RREB1: variants seen among roughly 807,000 people sequenced by gnomAD.
RREB1 encodes ras responsive element binding protein 1, also known as ras-responsive element-binding protein 1.
In RREB1, 27 loss-of-function variants were observed where a neutral mutation model predicts 117.8. That is an observed-to-expected ratio of 0.23 (90% CI 0.17 to 0.32). The LOEUF is 0.32. Ranked by LOEUF, RREB1 falls within the 10% of genes least tolerant of loss-of-function variation. RREB1 has a pLI of 1.00. For synonymous variants in RREB1, 1,298 were observed against 1,026.7 expected, an observed-to-expected ratio of 1.26 and a Z score of -5.05; for missense variants, 2,577 against 2,378.2, an observed-to-expected ratio of 1.08 and a Z score of -1.74.
chr6:7,230,160 C>T lies in RREB1; in HGVS notation c.2061C>T (p.Ile687=). The T allele has an allele frequency of 5.0e-6, 8 of 1,606,742 alleles. No individual in the cohort carries two copies. Among genetic ancestry groups the T allele is most frequent in the African/African-American group, 2.7e-5 (2 of 75,062 alleles). The change falls in exon 10 of 13, where the codon ATC becomes ATT. Residue 687 remains isoleucine (I), a synonymous_variant. Coordinates refer to ENST00000379938, the MANE Select transcript of RREB1 (RefSeq NM_001003699.4). The stretch of plus-strand genomic sequence containing the variant: ...TCGCCGCCGACAAGGCCGCGCTCAT[C>T]CGCCACCTGCGCACGCACAGTGGGG... ...DYIAADKAAL[I]RHLRTHSGER...
chr6:7,216,778 A>G (rs1183588850), intron 8 of RREB1: 1 of 152,258 alleles, frequency 6.6e-6, no homozygotes, highest in Non-Finnish European at 1.5e-5. Context: ...CAGATTTTAA[A>G]CACTTCCGGG....
At chr6:7,211,834 G>C in intron 8 of RREB1, 125 bp downstream of exon 8, 1 of 1,021,992 alleles carries the variant, frequency 9.8e-7, no homozygotes, top group Non-Finnish European at 1.4e-6. Flanking sequence ...ACATTAGGGA[G>C]GCAGTTAAGA....
intron 12 of RREB1, among the ~76,000 whole-genome samples, chr6:7,247,426 A>C (rs999567029): frequency 1.3e-5 from 2 of 152,152 alleles, no homozygotes; most frequent in Non-Finnish European, 2.9e-5. Flanking sequence ...GCAGCCAGGC[A>C]GGAGAGGGTC....
At chr6:7,157,852 G>A (rs1763458113) in intron 1 of RREB1, among the ~76,000 whole-genome samples, 1 of 152,056 alleles carries the variant, frequency 6.6e-6, no homozygotes, top group Admixed American at 6.6e-5. Context: ...GACTCCAGAA[G>A]AGGGCTCTAC....
rs1303395954 is a variant in RREB1 at position 7,229,699 on chromosome 6, TC to T, written c.1604del (p.Pro535ArgfsTer13). 6.2e-7 allele frequency: 1 copy of T among 1,608,418 alleles called. No homozygotes were observed. The highest frequency in any genetic ancestry group is 8.5e-7 in the Non-Finnish European group (1 of 1,176,958). On this transcript the variant is annotated frameshift_variant, in exon 10 of 13. Coordinates refer to ENST00000379938, the MANE Select transcript of RREB1 (RefSeq NM_001003699.4). LOFTEE classifies it high-confidence loss of function. This position sits in a 1 kb window ranked among gnomAD's most constrained non-coding sequence, Gnocchi z 4.5. ...GCCTCTCATCAACGCCCAGCAGGCT[TC>T]CCCGGGCTGTATCAGCCCCAGCCTG... ...PPPLINAQQA[S>X]PGCISPSLPP...
chr6:7,204,693 C>G (rs148031117), intron 6 of RREB1, among the ~76,000 whole-genome samples: 1 of 152,232 alleles, frequency 6.6e-6, no homozygotes, highest in South Asian at 2.1e-4. Flanking sequence ...ACTTTCCTTA[C>G]GGTACCATTC....
At chr6:7,117,658 C>A (rs997626423) in intron 1 of RREB1, among the ~76,000 whole-genome samples, 7 of 152,074 alleles carry the variant, frequency 4.6e-5, no homozygotes, top group Non-Finnish European at 7.4e-5. Context: ...ATCTGCCCAC[C>A]TTGGACTCCC....
At chr6:7,173,718 G>A (rs1376841611) in intron 1 of RREB1, among the ~76,000 whole-genome samples, 3 of 151,926 alleles carry the variant, frequency 2.0e-5, no homozygotes, top group African/African-American at 7.3e-5. Flanking sequence ...TACCCGGGAG[G>A]CTTGAGGCAC....
chr6:7,221,464 G>A (rs1259050114), intron 8 of RREB1, among the ~76,000 whole-genome samples: 2 of 152,218 alleles, frequency 1.3e-5, no homozygotes, highest in South Asian at 2.1e-4. Flanking sequence ...GAGCCACCGC[G>A]CCCGGCCGCA....
At chr6:7,225,325 G>A (rs183905880) in intron 8 of RREB1, among the ~76,000 whole-genome samples, 6 of 152,280 alleles carry the variant, frequency 3.9e-5, no homozygotes, top group African/African-American at 1.2e-4. Flanking sequence ...TGTGCTTCCC[G>A]ATGCAGTTGA....
intron 6 of RREB1, among the ~76,000 whole-genome samples, chr6:7,198,381 T>A (rs897399631): frequency 6.6e-6 from 1 of 152,226 alleles, no homozygotes; most frequent in African/African-American, 2.4e-5. Context: ...TTGTTTCCCT[T>A]GAAATACTTC....
At chr6:7,170,069 A>G (rs1375764121) in intron 1 of RREB1, among the ~76,000 whole-genome samples, 1 of 152,240 alleles carries the variant, frequency 6.6e-6, no homozygotes, top group Admixed American at 6.5e-5. Flanking sequence ...TTTACAAAAT[A>G]TTGAAGTTTT....
At position 7,181,953 on chromosome 6, in the gene RREB1, A is replaced by ATCT; in HGVS notation, c.45_47dup (p.Ser16dup). ...CCGCTGGCTTGGAAGGTTCAGACCTATCTTCCATCAACACCATGATGTCGG... is the reference window on the plus strand; with the variant it reads ...CCGCTGGCTTGGAAGGTTCAGACCTATCTTCTTCCATCAACACCATGATGTCGG... On this transcript the variant is annotated inframe_insertion, in exon 4 of 13. Coordinates refer to ENST00000379938, the MANE Select transcript of RREB1 (RefSeq NM_001003699.4). 1 of 1,614,232 alleles carries ATCT rather than the reference A, an allele frequency of 6.2e-7. No individual in the cohort carries two copies. The highest frequency in any genetic ancestry group is 2.2e-5 in the East Asian group (1 of 44,886).
chr6:7,112,564 T>TG (rs1281211987), intron 1 of RREB1, among the ~76,000 whole-genome samples: 5 of 151,576 alleles, frequency 3.3e-5, no homozygotes, highest in Non-Finnish European at 7.4e-5. Context: ...CACAGGGGGG[T>TG]GAGGGTTGCA....
At chr6:7,134,556 A>G (rs1435790021) in intron 1 of RREB1, among the ~76,000 whole-genome samples, 2 of 152,202 alleles carry the variant, frequency 1.3e-5, no homozygotes, top group Middle Eastern at 3.4e-3. Flanking sequence ...GATTTTAATT[A>G]TTTTTTTAGA....
intron 1 of RREB1, among the ~76,000 whole-genome samples, chr6:7,163,033 C>T (rs1464444683): frequency 9.2e-5 from 14 of 151,884 alleles, no homozygotes; most frequent in Admixed American, 9.2e-4. Flanking sequence ...TCCAAACTCT[C>T]ATCCATTAAA....
intron 1 of RREB1, among the ~76,000 whole-genome samples, chr6:7,120,534 C>G (rs1223933530): frequency 1.3e-5 from 2 of 152,170 alleles, no homozygotes; most frequent in Non-Finnish European, 2.9e-5. Flanking sequence ...TATGTTCTTA[C>G]CATTGGGGAA....
At chr6:7,174,155 T>C (rs1178588160) in intron 1 of RREB1, among the ~76,000 whole-genome samples, 1 of 150,984 alleles carries the variant, frequency 6.6e-6, no homozygotes, top group African/African-American at 2.4e-5. Flanking sequence ...TCTTTCCTTT[T>C]TTTTTTTTTT....
intron 1 of RREB1, among the ~76,000 whole-genome samples, chr6:7,136,307 A>G (rs1484628084): frequency 3.3e-5 from 5 of 152,328 alleles, no homozygotes; most frequent in African/African-American, 9.6e-5. Flanking sequence ...TATAAATTAT[A>G]TCTTAAGGAT....
Sources: allele counts gnomAD v4.1 joint callset (sites outside exome capture counted in the v4.1 genomes callset), GRCh38; gene constraint gnomAD v4.1.1; non-coding constraint Gnocchi (gnomAD v3.1); transcripts MANE v1.5; gene names NCBI Gene and HGNC (gene_info 2026-07-23, HGNC 2026-07-21).